The following TAFA2 variants were observed in gnomAD, a reference collection of about 807,000 sequenced individuals.
TAFA2 encodes chemokine-like protein TAFA-2.
TAFA2 carries 7 observed loss-of-function variants against 18.8 expected under a neutral mutation model. The ratio of observed to expected loss-of-function variants is 0.37; its 90% CI spans 0.21 to 0.70. The LOEUF (loss-of-function observed/expected upper bound fraction) is 0.70. Ranked by LOEUF, TAFA2 falls within the 30% of genes least tolerant of loss-of-function variation. TAFA2 has a pLI of 0.53. For missense variants in TAFA2, 122 were observed against 158.1 expected (o/e 0.77, Z 1.23); for synonymous variants, 60 against 54.2 (o/e 1.11, Z -0.47).
At chr12:61,858,471 G>T (rs771477246) in intron 2 of TAFA2, among the ~76,000 whole-genome samples, 1 of 151,604 alleles carries the variant, frequency 6.6e-6, no homozygotes, top group African/African-American at 2.4e-5. Flanking sequence ...TAAGTTCTAG[G>T]GTACATGTGT....
At chr12:61,801,819 G>C (rs114443836) in intron 2 of TAFA2, among the ~76,000 whole-genome samples, 508 of 152,046 alleles carry the variant, frequency 3.3e-3, no homozygotes, top group African/African-American at 0.011. Context: ...AGAATGATGA[G>C]ATAACCTATA....
intron 1 of TAFA2, among the ~76,000 whole-genome samples, chr12:62,074,747 G>A (rs886238642): frequency 4.7e-5 from 7 of 149,378 alleles, no homozygotes; most frequent in African/African-American, 1.7e-4. Flanking sequence ...TGTCACACAG[G>A]CTGGAGTGTA....
chr12:61,886,608 G>T (rs1875392459), intron 1 of TAFA2, among the ~76,000 whole-genome samples: 1 of 152,156 alleles, frequency 6.6e-6, no homozygotes, highest in Non-Finnish European at 1.5e-5. Context: ...CCGCAGAGTG[G>T]CAAGTTCTCG....
chr12:62,078,394 C>T (rs909839087), intron 1 of TAFA2, among the ~76,000 whole-genome samples: 7 of 140,806 alleles, frequency 5.0e-5, no homozygotes, highest in South Asian at 4.5e-4. Flanking sequence ...GCACACGTAC[C>T]CTAAAACTTA....
chr12:62,073,396 G>A (rs1007934645), intron 1 of TAFA2, among the ~76,000 whole-genome samples: 6 of 149,066 alleles, frequency 4.0e-5, no homozygotes, highest in Non-Finnish European at 7.4e-5. Flanking sequence ...ACACCTTTGA[G>A]GTAGGTGTTA....
chr12:61,799,963 T>G (rs922118131), intron 2 of TAFA2, among the ~76,000 whole-genome samples: 1 of 152,204 alleles, frequency 6.6e-6, no homozygotes, highest in African/African-American at 2.4e-5. Context: ...TGGGAGAGTA[T>G]TAATCCTCCC....
At chr12:61,910,519 G>C (rs1036032253) in intron 1 of TAFA2, among the ~76,000 whole-genome samples, 5 of 152,098 alleles carry the variant, frequency 3.3e-5, no homozygotes, top group Non-Finnish European at 7.4e-5. Context: ...TTGACTCCAA[G>C]ATAAACATAA....
chr12:62,024,640 C>T (rs1436657382), intron 1 of TAFA2, among the ~76,000 whole-genome samples: 1 of 152,074 alleles, frequency 6.6e-6, no homozygotes, highest in East Asian at 1.9e-4. Flanking sequence ...AGAGCTTCTG[C>T]ACAGTATAAG....
At chr12:62,084,994 A>G (rs184764259) in intron 1 of TAFA2, among the ~76,000 whole-genome samples, 1 of 152,284 alleles carries the variant, frequency 6.6e-6, no homozygotes. Context: ...CCTGAAGAAC[A>G]CTACTCCTGC....
intron 1 of TAFA2, among the ~76,000 whole-genome samples, chr12:62,012,238 TG>T (rs1880794364): frequency 6.6e-6 from 1 of 152,216 alleles, no homozygotes; most frequent in African/African-American, 2.4e-5. Context: ...ATTATCTGAC[TG>T]TCACATTATT....
intron 1 of TAFA2, among the ~76,000 whole-genome samples, chr12:62,052,820 T>C (rs965137319): frequency 6.6e-6 from 1 of 152,196 alleles, no homozygotes; most frequent in African/African-American, 2.4e-5. Flanking sequence ...GCACCGATAT[T>C]TATTGTTTGC....
chr12:62,164,553 A>G (rs2062426782), intron 1 of TAFA2, among the ~76,000 whole-genome samples: 1 of 152,112 alleles, frequency 6.6e-6, no homozygotes, highest in South Asian at 2.1e-4. Flanking sequence ...ATGATTTGAG[A>G]TAGACAAAAT....
chr12:61,785,365 G>T (rs1157252658), intron 2 of TAFA2, among the ~76,000 whole-genome samples: 1 of 148,036 alleles, frequency 6.8e-6, no homozygotes, highest in South Asian at 2.1e-4. Context: ...GTGTGTTTGT[G>T]TGTGTGTGTC....
chr12:61,783,446 A>C (rs1592385673), intron 2 of TAFA2, among the ~76,000 whole-genome samples: 1 of 151,644 alleles, frequency 6.6e-6, no homozygotes, highest in Admixed American at 6.6e-5. Context: ...GGCAGTTATC[A>C]AACTCTATTG....
Position 62,219,308 on chromosome 12 carries a change from G to T in TAFA2, c.-130+39455C>A, listed in dbSNP as rs183293231. On this transcript the variant is annotated intron_variant, in intron 1 of 5. Coordinates refer to the TAFA2 transcript ENST00000551619. The stretch of plus-strand genomic sequence containing the variant: ...GTTAAAACTGTAAATGAAATCATAG[G>T]TCACAATTTTATTAGTCTTTAATAG... Among the ~76,000 whole-genome samples the T allele has an allele frequency of 1.3e-4, 20 of 152,216 alleles. No homozygotes were observed. In the East Asian group the frequency reaches 3.9e-3, roughly 29 times the overall value.
chr12:61,890,904 G>C (rs1875602653), intron 1 of TAFA2, among the ~76,000 whole-genome samples: 1 of 152,136 alleles, frequency 6.6e-6, no homozygotes, highest in African/African-American at 2.4e-5. Context: ...AAAGGCAGTG[G>C]AAATATTTTC....
intron 1 of TAFA2, among the ~76,000 whole-genome samples, chr12:62,249,939 G>A (rs1254914108): frequency 6.6e-6 from 1 of 152,068 alleles, no homozygotes; most frequent in Non-Finnish European, 1.5e-5. Context: ...CTTTTTTGGG[G>A]GGCCTAAAAT....
At chr12:62,128,197 G>C (rs1870540380) in intron 1 of TAFA2, among the ~76,000 whole-genome samples, 2 of 151,996 alleles carry the variant, frequency 1.3e-5, no homozygotes, top group African/African-American at 2.4e-5. Flanking sequence ...AGTCCAATTA[G>C]GATTATGGTT....
At chr12:61,976,936 G>A (rs1879458245) in intron 1 of TAFA2, among the ~76,000 whole-genome samples, 1 of 152,004 alleles carries the variant, frequency 6.6e-6, no homozygotes, top group Non-Finnish European at 1.5e-5. Context: ...ATGGACATTT[G>A]GGTTGGTTCC....
Sources: gnomAD v4.1 joint callset for allele counts (sites outside exome capture counted in the v4.1 genomes callset) on GRCh38, gnomAD v4.1.1 for gene constraint, MANE v1.5 for transcripts, NCBI Gene and HGNC (gene_info 2026-07-23, HGNC 2026-07-21) for gene names.